The following BRI3BP variants were observed in gnomAD, a reference collection of about 807,000 sequenced individuals.
The protein encoded by BRI3BP is BRI3-binding protein.
In BRI3BP, 7 loss-of-function variants were observed where a neutral mutation model predicts 15.8. That is an observed-to-expected ratio of 0.44 (90% confidence interval 0.25 to 0.83). The LOEUF is 0.83. Ranked by LOEUF, BRI3BP falls within the 40% of genes least tolerant of loss-of-function variation. BRI3BP has a pLI of 0.20. For missense variants in BRI3BP, 320 were observed against 339.3 expected (o/e 0.94, Z 0.45); for synonymous variants, 192 against 163.5 (o/e 1.17, Z -1.33).
the BRI3BP span, among the ~76,000 whole-genome samples, chr12:125,047,258 C>T: frequency 6.6e-6 from 1 of 151,748 alleles, no homozygotes; most frequent in South Asian, 2.1e-4. Flanking sequence ...ACGCCATTCT[C>T]CTGCCTCAGC....
intron 2 of BRI3BP, among the ~76,000 whole-genome samples, chr12:125,017,862 C>G (rs1043346601): frequency 1.3e-5 from 2 of 152,150 alleles, no homozygotes. Context: ...TGTGTGGCTC[C>G]GGAAACTGGA....
the BRI3BP span, among the ~76,000 whole-genome samples, chr12:125,042,154 A>G: frequency 2.0e-5 from 3 of 152,204 alleles, no homozygotes; most frequent in African/African-American, 7.2e-5. Context: ...TTGGTTTTTT[A>G]AAACTTTTAT....
rs1222110648 is a variant in BRI3BP, at chr12:125,025,317, C to G, written c.643C>G (p.Pro215Ala). ...AAGCAGTCCCAGCGGCCCCAGCAAC[C>G]CCAGCAACCCCAGCGTGGAGGAGAA... is the stretch of plus-strand genomic sequence containing the variant. ...WRSSPSGPSN[P>A]SNPSVEEKLE... is the part of the protein sequence containing the mutation. Residue 215 changes from proline (P) to alanine (A), a missense_variant, in exon 3 of 3, where the codon CCC (proline) becomes GCC (alanine). Pro to Ala is a conservative substitution (Grantham distance 27). Transcript: ENST00000341446. 2 of 1,613,500 alleles carry G rather than the reference C, an allele frequency of 1.2e-6. No individual in the cohort carries two copies. The highest frequency in any genetic ancestry group is 1.7e-6 in the Non-Finnish European group (2 of 1,179,876).
intron 2 of BRI3BP, among the ~76,000 whole-genome samples, chr12:125,020,125 T>A (rs970086813): frequency 3.7e-4 from 56 of 152,120 alleles, no homozygotes; most frequent in African/African-American, 1.3e-3. Flanking sequence ...GTATTTTTTT[T>A]AATAGAGACA....
In BRI3BP at chr12:125,030,985, T is replaced by G. The variant is rs923214707; in HGVS notation, c.*5555T>G. 2 of 152,162 alleles carry G rather than the reference T, an allele frequency of 1.3e-5. No individual in the cohort carries two copies. Among genetic ancestry groups the G allele is most frequent in the African/African-American group, 4.8e-5 (2 of 41,450 alleles). The allele number at this position is 152,162 out of a possible 1,614,324, so 9.4% of individuals were successfully genotyped here. On this transcript the variant is annotated 3_prime_UTR_variant, in exon 3 of 3. Coordinates refer to ENST00000341446, the MANE Select transcript of BRI3BP (RefSeq NM_080626.6). ...ATGGTGTGTGTGTGTGTGTGCACTT[T>G]AGTTTCGTGAGCCTTGGGAAACTGA...
chr12:125,005,266 C>A (rs1164138541), intron 1 of BRI3BP, among the ~76,000 whole-genome samples: 1 of 152,196 alleles, frequency 6.6e-6, no homozygotes, highest in Non-Finnish European at 1.5e-5. Context: ...TTCATCCCAT[C>A]ACATCCAGGG....
At position 125,008,164 on chromosome 12, in the gene BRI3BP, G is replaced by A. The variant is rs113163464; in HGVS notation, c.214-4370G>A. 6.8e-4 allele frequency among the ~76,000 whole-genome samples: 104 copies of A among 152,146 alleles called. No homozygotes were observed. The Middle Eastern group carries it at 0.01, about 15-fold the overall frequency. On this transcript the variant is annotated intron_variant, in intron 1 of 2. Transcript: ENST00000341446. Reference sequence around the variant, plus strand: ...TCTGAGAACCACTGAGCTGGGATGTGTACCGTGACATGGAATCTCTGGAAG... The same window carrying A: ...TCTGAGAACCACTGAGCTGGGATGTATACCGTGACATGGAATCTCTGGAAG...
At chr12:125,005,771 GT>G (rs772401476) in intron 1 of BRI3BP, among the ~76,000 whole-genome samples, 5,583 of 113,116 alleles carry the variant, frequency 0.049, 224 homozygotes, top group Admixed American at 0.17. Context: ...GAGCAAGACT[GT>G]TTAAAAAAAA....
chr12:125,010,288 T>C (rs1228004918), intron 1 of BRI3BP, among the ~76,000 whole-genome samples: 1 of 152,120 alleles, frequency 6.6e-6, no homozygotes, highest in East Asian at 1.9e-4. Flanking sequence ...ATATATATAA[T>C]ATGCTCATGG....
chr12:124,994,015 G>T lies in BRI3BP; in HGVS notation c.213+12G>T. The T allele has an allele frequency of 1.5e-6, 2 of 1,316,330 alleles. No individual in the cohort carries two copies. Among genetic ancestry groups the T allele is most frequent in the East Asian group, 3.3e-5 (1 of 29,898 alleles). The allele number at this position is 1,316,330 out of a possible 1,614,324, so 81.5% of individuals were successfully genotyped here. A position where few individuals can be genotyped will look rare whatever the true frequency, so the allele number is the denominator to read the frequency against. ...GCGCCGCTCAGAAGGTGGGCGCCGG[G>T]CCCGCGCCCGCGGTCACCTTGCCCC... On this transcript the variant is annotated intron_variant, in intron 1 of 2. Transcript: ENST00000341446.
At chr12:124,996,289 T>C (rs4418906) in intron 1 of BRI3BP, among the ~76,000 whole-genome samples, 25 of 151,838 alleles carry the variant, frequency 1.6e-4, no homozygotes, top group African/African-American at 5.6e-4. Context: ...ATTTTATGGG[T>C]TTTTTTTTAA....
downstream of BRI3BP, among the ~76,000 whole-genome samples, chr12:125,031,662 C>T (rs997575210): frequency 2.1e-5 from 3 of 143,884 alleles, no homozygotes; most frequent in Admixed American, 7.2e-5. Context: ...CTGCTGCCTC[C>T]ATCTCCTGGG....
chr12:125,019,300 C>T (rs1955273233), intron 2 of BRI3BP, among the ~76,000 whole-genome samples: 2 of 152,226 alleles, frequency 1.3e-5, no homozygotes, highest in South Asian at 4.2e-4. Context: ...ACCACCCTTC[C>T]TTGGTTTAAA....
intron 2 of BRI3BP, among the ~76,000 whole-genome samples, chr12:125,022,541 A>ATTTATTTATTTATTTTATTTTTT: frequency 7.2e-6 from 1 of 139,404 alleles, no homozygotes; most frequent in African/African-American, 2.9e-5. Flanking sequence ...TTATTTATTT[A>ATTTATTTATTTATTTTATTTTTT]TTTTTTGAGA....
At chr12:125,032,384 G>A (rs1233304743), downstream of BRI3BP, among the ~76,000 whole-genome samples, 3 of 152,184 alleles carry the variant, frequency 2.0e-5, no homozygotes, top group Admixed American at 6.5e-5. Flanking sequence ...CTTGAACCCA[G>A]GAGGTGGAAG....
the BRI3BP span, among the ~76,000 whole-genome samples, chr12:125,039,004 C>T: frequency 4.0e-5 from 6 of 148,348 alleles, no homozygotes; most frequent in South Asian, 4.3e-4. Flanking sequence ...GCAGAAGAAT[C>T]GCTTGAACCT....
rs971311799 is a variant in BRI3BP at position 125,030,418 on chromosome 12, A to T, written c.*4988A>T. ...AGGAATATATTTTGCAGAATCTAAC[A>T]TAATACCCTTAAAATTCATACTGGA... is the stretch of plus-strand genomic sequence containing the variant. On this transcript the variant is annotated 3_prime_UTR_variant, in exon 3 of 3. Transcript: ENST00000341446. 6.6e-6 allele frequency: 1 copy of T among 152,232 alleles called. No individual in the cohort carries two copies. Among genetic ancestry groups the T allele is most frequent in the East Asian group, 1.9e-4 (1 of 5,204 alleles). The allele number at this position is 152,232 out of a possible 1,614,324, so 9.4% of individuals were successfully genotyped here. A position where few individuals can be genotyped will look rare whatever the true frequency, so the allele number is the denominator to read the frequency against.
intron 1 of BRI3BP, among the ~76,000 whole-genome samples, chr12:124,996,429 GAGT>G (rs1466167985): frequency 2.0e-5 from 3 of 151,990 alleles, no homozygotes; most frequent in Middle Eastern, 3.2e-3. Flanking sequence ...TCAGCCTCCT[GAGT>G]AGCCGGGATT....
In BRI3BP at chr12:125,025,497, AAAACCCC is replaced by A; in HGVS notation, c.*79_*85del. On this transcript the variant is annotated 3_prime_UTR_variant, in exon 3 of 3. Coordinates refer to ENST00000341446, the MANE Select transcript of BRI3BP (RefSeq NM_080626.6). ...TCTCAGAAAACGAAAACGGAGGAAA[AAAACCCC>A]AAACCCCAAACAATCTTAATAAACA... 2 of 1,389,668 alleles carry A rather than the reference AAAACCCC, an allele frequency of 1.4e-6. No homozygotes were observed. The highest frequency in any genetic ancestry group is 2.4e-5 in the East Asian group (1 of 40,976). 86.1% of individuals were successfully genotyped at this position (1,389,668 alleles called of 1,614,324 possible). A position where few individuals can be genotyped will look rare whatever the true frequency, so the allele number is the denominator to read the frequency against.
Sources: allele counts gnomAD v4.1 joint callset (sites outside exome capture counted in the v4.1 genomes callset), GRCh38; gene constraint gnomAD v4.1.1; transcripts MANE v1.5; gene names NCBI Gene and HGNC (gene_info 2026-07-23, HGNC 2026-07-21).